Variants in ZC3H15 observed in about 807,000 individuals in gnomAD.
The protein encoded by ZC3H15 is zinc finger CCCH domain-containing protein 15.
In ZC3H15, 15 loss-of-function variants were observed where a neutral mutation model predicts 51.2. The observed-to-expected ratio is 0.29, with a 90% CI of 0.20 to 0.45. ZC3H15 has a LOEUF of 0.45. Among genes scored for constraint, ZC3H15 ranks in the 20% least tolerant of loss-of-function variants. The pLI is 1.00. For missense variants in ZC3H15, 381 were observed against 494.7 expected (o/e 0.77, Z 2.18); for synonymous variants, 144 against 162.8 (o/e 0.88, Z 0.88).
intron 8 of ZC3H15, 200 bp downstream of exon 8, chr2:186,506,041 GAATT>G (rs1392310676): frequency 1.5e-6 from 1 of 677,688 alleles, no homozygotes; most frequent in East Asian, 2.8e-5. Context: ...TAGTTTGTGA[GAATT>G]AATCGAGTTC....
At chr2:186,489,831 C>T (rs372900520) in intron 1 of ZC3H15, among the ~76,000 whole-genome samples, 7 of 152,308 alleles carry the variant, frequency 4.6e-5, no homozygotes, top group African/African-American at 1.4e-4. Context: ...TTTCAAATTA[C>T]TAGCTCTATA....
chr2:186,491,648 T>G (rs772922338), intron 1 of ZC3H15, among the ~76,000 whole-genome samples: 1 of 152,208 alleles, frequency 6.6e-6, no homozygotes, highest in African/African-American at 2.4e-5. Context: ...ATTTGGGCAG[T>G]CTGGCTCCAG....
rs201251883 is a variant in ZC3H15, at chr2:186,501,334, T to G, written c.351T>G (p.Asp117Glu). Reference sequence around the variant, plus strand: ...AGCAAGGACAGTGTACTAAAGGAGATAAGTGTAAGTTCTCCCATGACTTGA... The same window carrying G: ...AGCAAGGACAGTGTACTAAAGGAGAGAAGTGTAAGTTCTCCCATGACTTGA... The part of the protein sequence containing the change: ...FFKQGQCTKG[D>E]KCKFSHDLTL... The change falls in exon 4 of 10, where the codon GAT becomes GAG. Residue 117 changes from aspartate to glutamate, a missense_variant. Coordinates refer to ENST00000337859, the MANE Select transcript of ZC3H15 (RefSeq NM_018471.3). The G allele has an allele frequency of 2.4e-5, 38 of 1,613,734 alleles. No homozygotes were observed. Among genetic ancestry groups the G allele is most frequent in the Middle Eastern group, 1.6e-4 (1 of 6,082 alleles).
chr2:186,493,718 T>A (rs779335888), intron 1 of ZC3H15, among the ~76,000 whole-genome samples: 33 of 151,894 alleles, frequency 2.2e-4, no homozygotes, highest in Non-Finnish European at 4.1e-4. Flanking sequence ...TAGGGAAGAA[T>A]TCTTCCTTGC....
chr2:186,491,082 A>T (rs1685190573), intron 1 of ZC3H15, among the ~76,000 whole-genome samples: 1 of 152,126 alleles, frequency 6.6e-6, no homozygotes, highest in African/African-American at 2.4e-5. Context: ...CCAAATTGCA[A>T]ATCATTCTGT....
intron 2 of ZC3H15, among the ~76,000 whole-genome samples, chr2:186,497,835 G>T (rs753456062): frequency 7.2e-5 from 11 of 152,100 alleles, no homozygotes; most frequent in Non-Finnish European, 1.2e-4. Flanking sequence ...TGATACTTGC[G>T]TGGATAACTG....
Position 186,500,253 on chromosome 2 carries a change from G to T in ZC3H15, c.249G>T (p.Glu83Asp). The change falls in exon 3 of 10, where the codon GAG becomes GAT. Residue 83 changes from glutamate to aspartate, a missense_variant. Transcript: ENST00000337859. ...AGAAAGAATTGCAGGAGCTAAATGA[G>T]CTGTTCAAACCTGTAGTTGCTGCTC... ...DKKKELQELN[E>D]LFKPVVAAQK... 1 of 1,613,374 alleles carries T rather than the reference G, an allele frequency of 6.2e-7. No individual in the cohort carries two copies.
chr2:186,505,672 C>A (rs1406502972), intron 7 of ZC3H15, 68 bp from the exon 8 acceptor site: 1 of 1,603,706 alleles, frequency 6.2e-7, no homozygotes, highest in Admixed American at 1.7e-5. Context: ...GATTTTGTTT[C>A]TATTTCATCA....
rs199772043 is a variant in ZC3H15, at chr2:186,504,115, G to C, written c.618G>C (p.Met206Ile). The change falls in exon 6 of 10, where the codon ATG becomes ATC. Residue 206 changes from methionine (M) to isoleucine (I), a missense_variant. Met to Ile is a conservative substitution (Grantham distance 10). Around this residue, in one of 3 missense-constraint regions of ZC3H15, gnomAD observed 41 missense variants for 86.5 expected, o/e 0.47. Coordinates refer to ENST00000337859, the MANE Select transcript of ZC3H15 (RefSeq NM_018471.3). ...GCCCTGGAGGGGGTGATATTTGCAT[G>C]TATCGTCATGCACTTCCTCCTGGAT... ...WVCPGGGDIC[M>I]YRHALPPGFV... 24 of 1,609,966 alleles carry C rather than the reference G, an allele frequency of 1.5e-5. No homozygotes were observed. Among genetic ancestry groups the C allele is most frequent in the Non-Finnish European group, 1.9e-5 (22 of 1,178,070 alleles).
At chr2:186,503,754 T>A (rs2105592998) in intron 5 of ZC3H15, among the ~76,000 whole-genome samples, 1 of 152,326 alleles carries the variant, frequency 6.6e-6, no homozygotes, top group East Asian at 1.9e-4. Flanking sequence ...CTGAAACAAG[T>A]AAGTCATTTT....
intron 2 of ZC3H15, among the ~76,000 whole-genome samples, chr2:186,496,797 A>T (rs1184325229): frequency 6.6e-6 from 1 of 152,206 alleles, no homozygotes; most frequent in Non-Finnish European, 1.5e-5. Context: ...GTAACACATT[A>T]GTAATGATTT....
chr2:186,502,472 T>G (rs1229979862), intron 4 of ZC3H15, 24 bp from the exon 5 acceptor site: 1 of 1,576,646 alleles, frequency 6.3e-7, no homozygotes, highest in Non-Finnish European at 8.7e-7. Flanking sequence ...GATTACAGTA[T>G]TTAATCTTCA....
rs541003253 is a variant in ZC3H15, at chr2:186,494,978, A to C, written c.76-255A>C. 8.6e-5 allele frequency among the ~76,000 whole-genome samples: 13 copies of C among 152,038 alleles called. No homozygotes were observed. The East Asian group carries it at 2.5e-3, about 29-fold the overall frequency. ...ACTTAAAGTATAATAAAAAATATAT[A>C]TAAAAATAATAAAATTTAAAAAGCT... On this transcript the variant is annotated intron_variant, in intron 1 of 9. Transcript: ENST00000337859.
At chr2:186,488,712 C>G (rs1204120621) in intron 1 of ZC3H15, 1 of 152,184 alleles carries the variant, frequency 6.6e-6, no homozygotes, top group Admixed American at 6.5e-5. Flanking sequence ...ATGGAGTCAT[C>G]TGTAGGGACC....
intron 6 of ZC3H15, among the ~76,000 whole-genome samples, chr2:186,504,838 A>G (rs192479226): frequency 6.6e-6 from 1 of 152,368 alleles, no homozygotes; most frequent in African/African-American, 2.4e-5. Context: ...ATAACACACT[A>G]TAATAGAAAA....
intron 1 of ZC3H15, among the ~76,000 whole-genome samples, chr2:186,488,110 A>G (rs1685134544): frequency 6.6e-6 from 1 of 152,148 alleles, no homozygotes; most frequent in Non-Finnish European, 1.5e-5. Context: ...AACAACAACA[A>G]AGTGGTGAAA....
At chr2:186,488,043 G>A (rs1474967049) in intron 1 of ZC3H15, among the ~76,000 whole-genome samples, 1 of 151,834 alleles carries the variant, frequency 6.6e-6, no homozygotes, top group Non-Finnish European at 1.5e-5. Context: ...CAATAATGAA[G>A]GTATCTCCAA....
intron 1 of ZC3H15, among the ~76,000 whole-genome samples, chr2:186,491,001 A>G (rs1299594932): frequency 1.3e-5 from 2 of 151,868 alleles, no homozygotes; most frequent in South Asian, 2.1e-4. Flanking sequence ...CTTTTTTTCT[A>G]CCTTGTAATT....
At chr2:186,504,619 T>C (rs1396374254) in intron 6 of ZC3H15, among the ~76,000 whole-genome samples, 1 of 152,214 alleles carries the variant, frequency 6.6e-6, no homozygotes, top group Non-Finnish European at 1.5e-5. Context: ...TTTTAAATTA[T>C]ATGTTTTATC....
Sources: allele counts gnomAD v4.1 joint callset (sites outside exome capture counted in the v4.1 genomes callset), GRCh38; gene constraint gnomAD v4.1.1; regional missense constraint gnomAD v4.1.1; transcripts MANE v1.5; gene names NCBI Gene and HGNC (gene_info 2026-07-23, HGNC 2026-07-21).